The following PTPRD variants were observed in gnomAD, a reference collection of about 807,000 sequenced individuals.
PTPRD encodes protein tyrosine phosphatase receptor type D, also known as receptor-type tyrosine-protein phosphatase delta.
A neutral mutation model predicts 214.5 loss-of-function variants in PTPRD; 34 were observed. That is an observed-to-expected ratio of 0.16 (90% CI 0.12 to 0.21). PTPRD has a LOEUF of 0.21. Ranked by LOEUF, PTPRD falls within the 10% of genes least tolerant of loss-of-function variation. The pLI is 1.00. For synonymous variants in PTPRD, 1,128 were observed against 845.7 expected (o/e 1.33, Z -5.79); for missense variants, 2,545 against 2,398.7 (o/e 1.06, Z -1.27).
intron 7 of PTPRD, among the ~76,000 whole-genome samples, chr9:9,683,559 CTA>C (rs920321220): frequency 3.7e-4 from 56 of 151,730 alleles, no homozygotes; most frequent in African/African-American, 1.3e-3. Flanking sequence ...CATAACATCC[CTA>C]GTTTGCTTTT....
At chr9:10,535,156 T>G (rs2134958672) in intron 2 of PTPRD, among the ~76,000 whole-genome samples, 1 of 152,206 alleles carries the variant, frequency 6.6e-6, no homozygotes, top group East Asian at 1.9e-4. Context: ...GAGAATATGT[T>G]TTATAAACCC....
chr9:9,520,950 G>A (rs920320979), intron 8 of PTPRD, among the ~76,000 whole-genome samples: 5 of 152,122 alleles, frequency 3.3e-5, no homozygotes, highest in Non-Finnish European at 5.9e-5. Context: ...TCATCTGGGA[G>A]GCTTGTAAAA....
intron 5 of PTPRD, among the ~76,000 whole-genome samples, chr9:9,767,971 G>A (rs1174587): frequency 0.91 from 138,114 of 152,152 alleles, 62,877 homozygotes; most frequent in African/African-American, 0.98. Context: ...AGAATGCTCC[G>A]TAAGCTATCA....
intron 10 of PTPRD, among the ~76,000 whole-genome samples, chr9:9,136,069 T>C (rs1231492171): frequency 6.6e-6 from 1 of 152,216 alleles, no homozygotes; most frequent in Non-Finnish European, 1.5e-5. Context: ...TTTCTTTTGC[T>C]AATGAAATAT....
chr9:9,328,739 A>T (rs1378266592), intron 9 of PTPRD, among the ~76,000 whole-genome samples: 2 of 141,126 alleles, frequency 1.4e-5, no homozygotes, highest in South Asian at 2.2e-4. Flanking sequence ...TGGGTTCAAG[A>T]GATTCTTGCA....
intron 4 of PTPRD, among the ~76,000 whole-genome samples, chr9:9,944,787 A>T (rs2092305146): frequency 6.6e-6 from 1 of 152,112 alleles, no homozygotes; most frequent in South Asian, 2.1e-4. Context: ...AATTTGAGTA[A>T]GTTATTTTAA....
intron 3 of PTPRD, among the ~76,000 whole-genome samples, chr9:10,306,288 AG>A (rs1303511630): frequency 8.5e-6 from 1 of 117,916 alleles, no homozygotes; most frequent in East Asian, 2.7e-4. Flanking sequence ...GGGGGGGGCT[AG>A]GGGAGGGATA....
At chr9:10,598,696 GT>G (rs1218179338) in intron 2 of PTPRD, among the ~76,000 whole-genome samples, 8 of 96,476 alleles carry the variant, frequency 8.3e-5, no homozygotes, top group African/African-American at 1.5e-4. Context: ...GTGTGTGTGT[GT>G]GTGTGTGGTG....
chr9:9,191,143 A>G (rs2099934879), intron 9 of PTPRD, among the ~76,000 whole-genome samples: 1 of 152,070 alleles, frequency 6.6e-6, no homozygotes, highest in African/African-American at 2.4e-5. Flanking sequence ...CTTGCTTGCT[A>G]TGTCACATTC....
At chr9:10,031,131 A>G (rs1403205863) in intron 4 of PTPRD, among the ~76,000 whole-genome samples, 2 of 152,184 alleles carry the variant, frequency 1.3e-5, no homozygotes, top group Non-Finnish European at 2.9e-5. Context: ...TTCTTTTAAG[A>G]CAAGCTAATA....
intron 14 of PTPRD, among the ~76,000 whole-genome samples, chr9:8,536,553 T>C (rs1176561769): frequency 6.6e-6 from 1 of 151,912 alleles, no homozygotes; most frequent in African/African-American, 2.4e-5. Flanking sequence ...CAGTACAAGG[T>C]AGATGAGAAA....
intron 10 of PTPRD, among the ~76,000 whole-genome samples, chr9:9,052,491 T>C (rs910763526): frequency 5.9e-5 from 9 of 152,186 alleles, no homozygotes; most frequent in African/African-American, 2.2e-4. Flanking sequence ...AAAGTGTTGT[T>C]CAATGTATGA....
At chr9:9,263,502 A>C (rs139748345) in intron 9 of PTPRD, among the ~76,000 whole-genome samples, 37 of 151,826 alleles carry the variant, frequency 2.4e-4, no homozygotes, top group African/African-American at 8.7e-4. Flanking sequence ...ACATTTAGAA[A>C]GCCTTTGTGT....
intron 36 of PTPRD, among the ~76,000 whole-genome samples, chr9:8,392,664 T>C (rs1169099791): frequency 1.3e-5 from 2 of 152,168 alleles, no homozygotes; most frequent in African/African-American, 4.8e-5. Flanking sequence ...TGATACCTAT[T>C]TGTAAGAAGG....
chr9:8,780,530 G>A (rs560834703), intron 11 of PTPRD, among the ~76,000 whole-genome samples: 1 of 152,264 alleles, frequency 6.6e-6, no homozygotes, highest in South Asian at 2.1e-4. Flanking sequence ...GGAGGTACCG[G>A]AGAAGTCTAA....
intron 9 of PTPRD, among the ~76,000 whole-genome samples, chr9:9,246,653 A>T (rs1021779324): frequency 1.3e-5 from 2 of 152,040 alleles, no homozygotes; most frequent in Non-Finnish European, 2.9e-5. Flanking sequence ...GTAACTGCTC[A>T]CACCATATAG....
At chr9:9,275,192 AT>A (rs1282600966) in intron 9 of PTPRD, among the ~76,000 whole-genome samples, 4 of 18,524 alleles carry the variant, frequency 2.2e-4, no homozygotes, top group African/African-American at 6.2e-4. Context: ...TGTTATATAT[AT>A]ATATATTATA....
At chr9:10,217,730 T>C (rs2099547969) in intron 3 of PTPRD, among the ~76,000 whole-genome samples, 1 of 151,926 alleles carries the variant, frequency 6.6e-6, no homozygotes, top group Non-Finnish European at 1.5e-5. Context: ...CAACTACATG[T>C]ATATAATAAT....
chr9:10,227,294 C>T (rs1308680608), intron 3 of PTPRD, among the ~76,000 whole-genome samples: 2 of 151,838 alleles, frequency 1.3e-5, no homozygotes, highest in Non-Finnish European at 2.9e-5. Flanking sequence ...ATTATAACTT[C>T]TACAAAGCCA....
Sources: gnomAD v4.1 joint callset for allele counts (sites outside exome capture counted in the v4.1 genomes callset) on GRCh38, gnomAD v4.1.1 for gene constraint, MANE v1.5 for transcripts, NCBI Gene and HGNC (gene_info 2026-07-23, HGNC 2026-07-21) for gene names.